Variants in VPS13B observed in about 807,000 individuals in gnomAD.
VPS13B encodes vacuolar protein sorting 13 homolog B.
A neutral mutation model predicts 426.4 loss-of-function variants in VPS13B; 285 were observed. The observed-to-expected ratio is 0.67, with a 90% CI of 0.61 to 0.74. The LOEUF (loss-of-function observed/expected upper bound fraction) is 0.74, where lower values mean the gene tolerates loss of function less well. Ranked by LOEUF, VPS13B falls within the 30% of genes least tolerant of loss-of-function variation. The pLI is 0.00. For missense variants in VPS13B, 4,537 were observed against 4,782.6 expected (o/e 0.95, Z 1.51); for synonymous variants, 1,676 against 1,676.4 (o/e 1.00, Z 0.01).
chr8:99,508,394 C>T (rs887338630), intron 28 of VPS13B, among the ~76,000 whole-genome samples: 27 of 152,218 alleles, frequency 1.8e-4, no homozygotes, highest in South Asian at 6.2e-4. Context: ...GACTTTTAGA[C>T]GTTTAGAACC....
chr8:99,219,622 G>A (rs948684284), intron 17 of VPS13B, among the ~76,000 whole-genome samples: 1 of 152,196 alleles, frequency 6.6e-6, no homozygotes, highest in African/African-American at 2.4e-5. Flanking sequence ...CAAAGGCAAA[G>A]AGAGTGAGTG....
At chr8:99,175,813 A>G (rs1313165002) in intron 16 of VPS13B, among the ~76,000 whole-genome samples, 6 of 152,228 alleles carry the variant, frequency 3.9e-5, no homozygotes, top group African/African-American at 1.4e-4. Flanking sequence ...ACAAATGCTT[A>G]GGGACCACAC....
Position 99,693,095 on chromosome 8 carries a change from C to T in VPS13B, c.6047-6430C>T, listed in dbSNP as rs1347746379. On this transcript the variant is annotated intron_variant, in intron 35 of 61. Coordinates refer to ENST00000357162, the MANE Select transcript of VPS13B (RefSeq NM_152564.5). ...AAGAGTCCAGGACCAGATGGATTCACAGCCGAATTCTACCAGAGGTACAAG... is the reference window on the plus strand; with the variant it reads ...AAGAGTCCAGGACCAGATGGATTCATAGCCGAATTCTACCAGAGGTACAAG... Among the ~76,000 whole-genome samples the T allele has an allele frequency of 2.8e-5, 4 of 142,744 alleles. No homozygotes were observed. In the South Asian group the frequency reaches 6.7e-4, roughly 24 times the overall value. 93.6% of individuals were successfully genotyped at this position (142,744 alleles called of 152,430 possible).
intron 24 of VPS13B, among the ~76,000 whole-genome samples, chr8:99,468,494 ATTAT>A (rs904724720): frequency 6.6e-6 from 1 of 151,902 alleles, no homozygotes; most frequent in Admixed American, 6.6e-5. Flanking sequence ...TTTTAAAAAC[ATTAT>A]TTGTTATATT....
chr8:99,721,016 T>C lies in VPS13B; in HGVS notation c.7019T>C (p.Ile2340Thr). The C allele has an allele frequency of 6.2e-7, 1 of 1,614,008 alleles. No individual in the cohort carries two copies. Among genetic ancestry groups the C allele is most frequent in the Non-Finnish European group, 8.5e-7 (1 of 1,179,928 alleles). The change falls in exon 39 of 62, where the codon ATT becomes ACT. Residue 2340 changes from isoleucine to threonine, a missense_variant. Ile to Thr is a moderately conservative substitution (Grantham distance 89). This residue lies in a region of VPS13B where 4,311 missense variants were observed against 4,474.3 expected (regional missense o/e 0.96). Transcript: ENST00000357162. ...TTTAACACCACAGAGGATCCAGATATTAGCACAGCAGACCTTGGTGATGTG... is the reference window on the plus strand; with the variant it reads ...TTTAACACCACAGAGGATCCAGATACTAGCACAGCAGACCTTGGTGATGTG... ...VPFNTTEDPD[I>T]STADLGDVLQ...
chr8:99,732,558 G>A (rs1833649621), intron 39 of VPS13B, among the ~76,000 whole-genome samples: 1 of 152,218 alleles, frequency 6.6e-6, no homozygotes, highest in Non-Finnish European at 1.5e-5. Context: ...AGGAGATATT[G>A]GGAGACAACA....
At chr8:99,395,053 G>T (rs1047268867) in intron 21 of VPS13B, among the ~76,000 whole-genome samples, 1 of 152,178 alleles carries the variant, frequency 6.6e-6, no homozygotes, top group African/African-American at 2.4e-5. Context: ...GGCAGTGCAG[G>T]AGTGTGATTC....
intron 39 of VPS13B, among the ~76,000 whole-genome samples, chr8:99,740,827 T>G (rs1241555888): frequency 6.6e-6 from 1 of 151,992 alleles, no homozygotes; most frequent in Non-Finnish European, 1.5e-5. Context: ...AAGGAAGCAC[T>G]AAACATGGAA....
At chr8:99,583,366 A>G (rs1463612943) in intron 33 of VPS13B, among the ~76,000 whole-genome samples, 3 of 152,214 alleles carry the variant, frequency 2.0e-5, no homozygotes, top group Admixed American at 2.0e-4. Context: ...TATTTACTAC[A>G]TTAAAAAGTA....
At chr8:99,334,154 A>T (rs71516830) in intron 19 of VPS13B, among the ~76,000 whole-genome samples, 191 of 152,020 alleles carry the variant, frequency 1.3e-3, no homozygotes, top group Non-Finnish European at 2.4e-3. Context: ...TTTTTTTCCA[A>T]GTAGTTATAT....
intron 17 of VPS13B, among the ~76,000 whole-genome samples, chr8:99,236,174 T>C (rs1816636122): frequency 1.3e-5 from 2 of 152,200 alleles, no homozygotes; most frequent in Admixed American, 6.5e-5. Flanking sequence ...AGAGGCATTA[T>C]CTAAGGTCTG....
chr8:99,428,087 T>C (rs1190945160), intron 21 of VPS13B, among the ~76,000 whole-genome samples: 1 of 152,200 alleles, frequency 6.6e-6, no homozygotes, highest in Non-Finnish European at 1.5e-5. Context: ...TAGCCATATG[T>C]AGAAAGCTGA....
At chr8:99,264,287 C>T (rs141038875) in intron 17 of VPS13B, among the ~76,000 whole-genome samples, 1 of 151,262 alleles carries the variant, frequency 6.6e-6, no homozygotes, top group African/African-American at 2.4e-5. Flanking sequence ...TTGAAATTTC[C>T]TTTTATCATT....
intron 3 of VPS13B, among the ~76,000 whole-genome samples, chr8:99,047,665 G>A (rs1843303355): frequency 6.6e-6 from 1 of 151,690 alleles, no homozygotes; most frequent in Non-Finnish European, 1.5e-5. Context: ...GGCATTTAGG[G>A]CTATGAACTT....
At position 99,853,983 on chromosome 8, in the gene VPS13B, C is replaced by A; in HGVS notation, c.10594C>A (p.His3532Asn). ...TYLPNSRLAG[H>N]STHLSGGKQV... The stretch of plus-strand genomic sequence containing the variant: ...CCTTCCTAACAGCAGGTTGGCTGGT[C>A]ACTCCACACACCTCTCCGGGGGTAA... The change falls in exon 56 of 62, where the codon CAC (histidine) becomes AAC (asparagine). Residue 3532 changes from histidine (H) to asparagine (N), a missense_variant. Physicochemically the swap from His to Asn is moderately conservative, Grantham distance 68. Transcript: ENST00000357162. The A allele has an allele frequency of 6.2e-7, 1 of 1,614,190 alleles. No homozygotes were observed. Among genetic ancestry groups the A allele is most frequent in the South Asian group, 1.1e-5 (1 of 91,072 alleles).
chr8:99,357,611 T>G (rs936607998), intron 19 of VPS13B, among the ~76,000 whole-genome samples: 3 of 152,170 alleles, frequency 2.0e-5, no homozygotes, highest in African/African-American at 7.2e-5. Context: ...GTTTTGTGAG[T>G]GACAATATTG....
intron 6 of VPS13B, among the ~76,000 whole-genome samples, chr8:99,115,129 C>T (rs1847587806): frequency 6.6e-6 from 1 of 152,054 alleles, no homozygotes; most frequent in Non-Finnish European, 1.5e-5. Context: ...CTTTTTTCAA[C>T]ATATATTTCA....
At chr8:99,454,711 C>G (rs369707329) in intron 23 of VPS13B, among the ~76,000 whole-genome samples, 1 of 152,208 alleles carries the variant, frequency 6.6e-6, no homozygotes, top group African/African-American at 2.4e-5. Flanking sequence ...AATATACCAC[C>G]AGACTGTCTT....
chr8:99,823,003 C>G (rs774993748), intron 50 of VPS13B, among the ~76,000 whole-genome samples: 2 of 152,128 alleles, frequency 1.3e-5, no homozygotes, highest in African/African-American at 4.8e-5. Context: ...CCCAGACCAC[C>G]CTTTGAAAAC....
Sources: allele counts gnomAD v4.1 joint callset (sites outside exome capture counted in the v4.1 genomes callset), GRCh38; gene constraint gnomAD v4.1.1; regional missense constraint gnomAD v4.1.1; transcripts MANE v1.5; gene names NCBI Gene and HGNC (gene_info 2026-07-23, HGNC 2026-07-21).